Variants in ADIPOR2 observed in about 807,000 individuals in gnomAD.
ADIPOR2 encodes the protein adiponectin receptor protein 2.
In ADIPOR2, 18 loss-of-function variants were observed where a neutral mutation model predicts 40.9. That is an observed-to-expected ratio of 0.44 (90% CI 0.30 to 0.65). The LOEUF is 0.65. Ranked by LOEUF, ADIPOR2 falls within the 30% of genes least tolerant of loss-of-function variation. ADIPOR2 has a pLI of 0.09. For missense variants in ADIPOR2, 283 were observed against 479.2 expected, an observed-to-expected ratio of 0.59 and a Z score of 3.82; for synonymous variants, 165 against 166.4, an observed-to-expected ratio of 0.99 and a Z score of 0.06.
chr12:1,735,938 A>G (rs2154442729), intron 1 of ADIPOR2, among the ~76,000 whole-genome samples: 1 of 152,300 alleles, frequency 6.6e-6, no homozygotes, highest in Non-Finnish European at 1.5e-5. Context: ...CATCCCAGGG[A>G]TGAAGCCCAC....
At chr12:1,775,565 G>A (rs1862574487) in intron 3 of ADIPOR2, among the ~76,000 whole-genome samples, 1 of 152,190 alleles carries the variant, frequency 6.6e-6, no homozygotes, top group African/African-American at 2.4e-5. Flanking sequence ...TCTGTGTGGG[G>A]TAGCAGAGTA....
intron 1 of ADIPOR2, among the ~76,000 whole-genome samples, chr12:1,729,430 T>C (rs146587899): frequency 6.6e-6 from 1 of 151,596 alleles, no homozygotes; most frequent in Non-Finnish European, 1.5e-5. Context: ...ATATATCTTA[T>C]ATTATCATAA....
chr12:1,712,279 G>C (rs1474855738), intron 1 of ADIPOR2, among the ~76,000 whole-genome samples: 1 of 152,138 alleles, frequency 6.6e-6, no homozygotes, highest in African/African-American at 2.4e-5. Flanking sequence ...GAGCCGCACA[G>C]ATGCATATTT....
At chr12:1,760,884 T>G (rs1249012132) in intron 2 of ADIPOR2, 1 of 152,188 alleles carries the variant, frequency 6.6e-6, no homozygotes, top group Non-Finnish European at 1.5e-5. Flanking sequence ...ACCCAGGAAA[T>G]GAATCATCCC....
In ADIPOR2 at chr12:1,772,909, C is replaced by G. The variant is rs1164164795; in HGVS notation, c.239C>G (p.Pro80Arg). 1 of 1,613,712 alleles carries G rather than the reference C, an allele frequency of 6.2e-7. No homozygotes were observed. Among genetic ancestry groups the G allele is most frequent in the Non-Finnish European group, 8.5e-7 (1 of 1,179,828 alleles). Reference sequence around the variant, plus strand: ...GATGAGGGCTTTATGGGCATGTCCCCTCTCTTACAAGCCCATCATGCTATG... The same window carrying G: ...GATGAGGGCTTTATGGGCATGTCCCGTCTCTTACAAGCCCATCATGCTATG... ...QEDEGFMGMSPLLQAHHAMEK... is the reference protein window; with the variant it reads ...QEDEGFMGMSRLLQAHHAMEK... The change falls in exon 3 of 8, where the codon CCT (proline) becomes CGT (arginine). Residue 80 changes from proline to arginine, a missense_variant. By Grantham distance (103) the Pro-to-Arg change is moderately radical (BLOSUM62 -2). Coordinates refer to ENST00000357103, the MANE Select transcript of ADIPOR2 (RefSeq NM_024551.3).
chr12:1,715,272 C>T (rs1002535620), intron 1 of ADIPOR2, among the ~76,000 whole-genome samples: 1 of 152,070 alleles, frequency 6.6e-6, no homozygotes, highest in East Asian at 1.9e-4. Context: ...AAAGGTCAAG[C>T]TGCAGGATAG....
chr12:1,765,028 A>G (rs1044281491), intron 2 of ADIPOR2, among the ~76,000 whole-genome samples: 1 of 152,140 alleles, frequency 6.6e-6, no homozygotes, highest in Non-Finnish European at 1.5e-5. Flanking sequence ...GAACAAATGT[A>G]TGCACTTCCA....
At position 1,772,802 on chromosome 12, in the gene ADIPOR2, C is replaced by T. The variant is rs1862514290; in HGVS notation, c.172-40C>T. 2.6e-6 allele frequency: 4 copies of T among 1,555,348 alleles called. No homozygotes were observed. The African/African-American group carries it at 4.1e-5, about 16-fold the overall frequency. ...ATGTATTGATTGTGTCATTTGGCTC[C>T]CAGTCTCTGTCCTTGACTGTTTCTG... is the stretch of plus-strand genomic sequence containing the variant. On this transcript the variant is annotated intron_variant, in intron 2 of 7. Transcript: ENST00000357103.
At chr12:1,727,806 G>T (rs2094710978) in intron 1 of ADIPOR2, among the ~76,000 whole-genome samples, 1 of 151,892 alleles carries the variant, frequency 6.6e-6, no homozygotes. Flanking sequence ...TCTTCGGGGA[G>T]CGGTCCCCTA....
intron 1 of ADIPOR2, among the ~76,000 whole-genome samples, chr12:1,750,797 A>C (rs2094767474): frequency 6.6e-6 from 1 of 152,130 alleles, no homozygotes; most frequent in Non-Finnish European, 1.5e-5. Context: ...ATGCCCCATC[A>C]CATTGATGAT....
chr12:1,700,879 T>C (rs1299893990), intron 1 of ADIPOR2, among the ~76,000 whole-genome samples: 2 of 152,062 alleles, frequency 1.3e-5, no homozygotes, highest in African/African-American at 4.8e-5. Context: ...GAATTTAGGC[T>C]GCAGATGTAT....
chr12:1,760,468 T>C (rs1036317019), intron 2 of ADIPOR2, among the ~76,000 whole-genome samples: 6 of 152,132 alleles, frequency 3.9e-5, no homozygotes, highest in African/African-American at 1.4e-4. Context: ...CTTAACCCAT[T>C]TGCCATCACT....
At chr12:1,757,204 G>T in intron 2 of ADIPOR2, 1 of 442,340 alleles carries the variant, frequency 2.3e-6, no homozygotes, top group Non-Finnish European at 4.1e-6. Context: ...TACGTACAAA[G>T]ATCTAACATG....
intron 1 of ADIPOR2, among the ~76,000 whole-genome samples, chr12:1,748,954 T>C (rs2094763048): frequency 6.6e-6 from 1 of 152,058 alleles, no homozygotes; most frequent in African/African-American, 2.4e-5. Flanking sequence ...ACTACTCCCC[T>C]AACACACACA....
At chr12:1,699,610 C>G (rs1457013616) in intron 1 of ADIPOR2, among the ~76,000 whole-genome samples, 1 of 152,202 alleles carries the variant, frequency 6.6e-6, no homozygotes, top group Non-Finnish European at 1.5e-5. Flanking sequence ...GAGATAGCAC[C>G]ATTGCACTCC....
intron 1 of ADIPOR2, among the ~76,000 whole-genome samples, chr12:1,709,876 C>A (rs766606234): frequency 6.6e-6 from 1 of 152,088 alleles, no homozygotes; most frequent in African/African-American, 2.4e-5. Context: ...TTGTGTATAC[C>A]GTCAGATGAT....
At chr12:1,700,094 C>G (rs960369787) in intron 1 of ADIPOR2, among the ~76,000 whole-genome samples, 1 of 152,204 alleles carries the variant, frequency 6.6e-6, no homozygotes, top group African/African-American at 2.4e-5. Context: ...GATCATATTA[C>G]ACATTCTTAC....
intron 1 of ADIPOR2, among the ~76,000 whole-genome samples, chr12:1,729,739 C>T (rs770620155): frequency 6.7e-6 from 1 of 149,672 alleles, no homozygotes; most frequent in African/African-American, 2.5e-5. Context: ...AAAGCCCTCT[C>T]TTAATCTCCT....
intron 3 of ADIPOR2, among the ~76,000 whole-genome samples, chr12:1,773,243 T>C (rs1373335923): frequency 1.3e-5 from 2 of 152,232 alleles, no homozygotes; most frequent in East Asian, 3.8e-4. Context: ...ATTGGTGGTT[T>C]AGACAAACAG....
Sources: allele counts gnomAD v4.1 joint callset (sites outside exome capture counted in the v4.1 genomes callset), GRCh38; gene constraint gnomAD v4.1.1; transcripts MANE v1.5; gene names NCBI Gene and HGNC (gene_info 2026-07-23, HGNC 2026-07-21).